The following NUBPL variants were observed in gnomAD, a reference collection of about 807,000 sequenced individuals.
The protein encoded by NUBPL is iron-sulfur cluster transfer protein NUBPL.
Under a neutral mutation model 45.7 loss-of-function variants are expected in NUBPL, and 31 were observed. The observed-to-expected ratio is 0.68, with a 90% CI of 0.51 to 0.92. NUBPL has a LOEUF of 0.92. Among genes scored for constraint, NUBPL ranks in the 40% least tolerant of loss-of-function variants. NUBPL has a pLI of 0.00. For synonymous variants in NUBPL, 144 were observed against 140.9 expected (o/e 1.02, Z -0.15); for missense variants, 401 against 398.7 (o/e 1.01, Z -0.05).
intron 6 of NUBPL, among the ~76,000 whole-genome samples, chr14:31,777,724 A>G (rs147880748): frequency 2.0e-5 from 3 of 152,342 alleles, no homozygotes; most frequent in East Asian, 1.9e-4. Flanking sequence ...GGCTAACATT[A>G]TAACCTCAGA....
chr14:31,643,192 G>C (rs761451511), intron 4 of NUBPL, among the ~76,000 whole-genome samples: 1 of 151,974 alleles, frequency 6.6e-6, no homozygotes, highest in Non-Finnish European at 1.5e-5. Context: ...CAGTATTATT[G>C]TTGAATACAA....
chr14:31,655,662 G>A (rs745541591), intron 4 of NUBPL, among the ~76,000 whole-genome samples: 3 of 152,172 alleles, frequency 2.0e-5, no homozygotes, highest in African/African-American at 4.8e-5. Flanking sequence ...GCAGTGAGCC[G>A]AGATGGTACC....
chr14:31,748,655 C>T lies in NUBPL; in HGVS notation c.514-39125C>T, dbSNP rs114156255. Among the ~76,000 whole-genome samples, 997 of 152,090 alleles carry T rather than the reference C, an allele frequency of 6.6e-3. 13 individuals carry two copies. The highest frequency in any genetic ancestry group is 0.023 in the African/African-American group (934 of 41,444). ...TGAGACAGAGTCTTTCTTTGTTGCC[C>T]AGGTTGGTATGCAGTGGAGCGATCT... On this transcript the variant is annotated intron_variant, in intron 6 of 10. Transcript: ENST00000281081.
intron 6 of NUBPL, among the ~76,000 whole-genome samples, chr14:31,724,509 G>A (rs1424603033): frequency 1.3e-5 from 2 of 152,170 alleles, no homozygotes; most frequent in African/African-American, 4.8e-5. Context: ...GCCCAGCATG[G>A]AGGTAGTATT....
At chr14:31,684,484 G>T (rs80324493) in intron 6 of NUBPL, among the ~76,000 whole-genome samples, 2 of 152,108 alleles carry the variant, frequency 1.3e-5, no homozygotes. Context: ...TTAATTATCC[G>T]TTAGAAGTTT....
At chr14:31,770,532 T>A (rs2038990584) in intron 6 of NUBPL, among the ~76,000 whole-genome samples, 1 of 152,218 alleles carries the variant, frequency 6.6e-6, no homozygotes, top group Admixed American at 6.5e-5. Flanking sequence ...CGATGTTATT[T>A]ACAGGAGTAA....
chr14:31,793,842 T>A lies in NUBPL; in HGVS notation c.607+5969T>A, dbSNP rs867620884. ...CCCTTATCTTTCTTTTTTTTTTTTA[T>A]TTTTTTTTTTATTTTTTCCCAATGC... On this transcript the variant is annotated intron_variant, in intron 7 of 10. Transcript: ENST00000281081. Among the ~76,000 whole-genome samples, 119 of 125,070 alleles carry A rather than the reference T, an allele frequency of 9.5e-4. 4 individuals are homozygous for A. Among genetic ancestry groups the A allele is most frequent in the African/African-American group, 4.9e-3 (112 of 22,698 alleles). 82.1% of individuals were successfully genotyped at this position (125,070 alleles called of 152,430 possible). A position where few individuals can be genotyped will look rare whatever the true frequency, so the allele number is the denominator to read the frequency against.
At chr14:31,767,227 G>A (rs2038930138) in intron 6 of NUBPL, among the ~76,000 whole-genome samples, 1 of 152,116 alleles carries the variant, frequency 6.6e-6, no homozygotes, top group Admixed American at 6.6e-5. Flanking sequence ...TTGAGACGGA[G>A]TTTCGCTCTT....
intron 4 of NUBPL, among the ~76,000 whole-genome samples, chr14:31,602,528 TA>T (rs1479197597): frequency 8.6e-5 from 13 of 152,046 alleles, no homozygotes; most frequent in African/African-American, 1.4e-4. Flanking sequence ...AGTATATATA[TA>T]AAAAGAAATC....
intron 6 of NUBPL, among the ~76,000 whole-genome samples, chr14:31,722,890 G>A (rs546957531): frequency 1.3e-5 from 2 of 152,150 alleles, no homozygotes; most frequent in African/African-American, 4.8e-5. Context: ...TAGGTTGACT[G>A]TTTACTCTGA....
intron 7 of NUBPL, among the ~76,000 whole-genome samples, chr14:31,798,303 G>GTT (rs71115031): frequency 0.077 from 8,217 of 107,166 alleles, 628 homozygotes; most frequent in Non-Finnish European, 0.098. Flanking sequence ...TTTATTTATG[G>GTT]TTTTTTTTTT....
chr14:31,602,653 A>T (rs893660764), intron 4 of NUBPL, among the ~76,000 whole-genome samples: 20 of 152,196 alleles, frequency 1.3e-4, no homozygotes, highest in Non-Finnish European at 2.2e-4. Flanking sequence ...TATGTAAAAT[A>T]GTTACAACTA....
chr14:31,744,617 C>CTTTTTTTTTTTTTTTTTTTTTTTTTTTT (rs34367142), intron 6 of NUBPL, among the ~76,000 whole-genome samples: 1 of 103,922 alleles, frequency 9.6e-6, no homozygotes, highest in Non-Finnish European at 1.8e-5. Context: ...TTTGTAGAAT[C>CTTTTTTTTTTTTTTTTTTTTTTTTTTTT]TTTTTTTTTT....
In NUBPL at chr14:31,645,783, C is replaced by T. The variant is rs539281647; in HGVS notation, c.383-27572C>T. On this transcript the variant is annotated intron_variant, in intron 4 of 10. Coordinates refer to ENST00000281081, the MANE Select transcript of NUBPL (RefSeq NM_025152.3). Reference sequence around the variant, plus strand: ...AACTTCTATACTTTACACCCCCCCCCCCACATTTTGACTTTTGTTGTGTCA... The same window carrying T: ...AACTTCTATACTTTACACCCCCCCCTCCACATTTTGACTTTTGTTGTGTCA... Among the ~76,000 whole-genome samples, 30 of 137,554 alleles carry T rather than the reference C, an allele frequency of 2.2e-4. 1 individual carries two copies. In the East Asian group the frequency reaches 6.7e-3, roughly 31 times the overall value. 90.2% of individuals were successfully genotyped at this position (137,554 alleles called of 152,430 possible).
In NUBPL at chr14:31,859,614, C is replaced by G. The variant is rs1258466031; in HGVS notation, c.*434C>G. ...CTGTCTTTGAATCCTGTCTTTGGTACTGTCTTGGACATGTTCTTAATATGA... is the reference window on the plus strand; with the variant it reads ...CTGTCTTTGAATCCTGTCTTTGGTAGTGTCTTGGACATGTTCTTAATATGA... On this transcript the variant is annotated 3_prime_UTR_variant, in exon 11 of 11. Coordinates refer to ENST00000281081, the MANE Select transcript of NUBPL (RefSeq NM_025152.3). 1 of 264,306 alleles carries G rather than the reference C, an allele frequency of 3.8e-6. No individual in the cohort carries two copies. The highest frequency in any genetic ancestry group is 2.2e-5 in the African/African-American group (1 of 45,070). The allele number at this position is 264,306 out of a possible 1,614,324, so 16.4% of individuals were successfully genotyped here. A position where few individuals can be genotyped will look rare whatever the true frequency, so the allele number is the denominator to read the frequency against.
chr14:31,564,589 A>G (rs2033386973), intron 2 of NUBPL, among the ~76,000 whole-genome samples: 1 of 151,858 alleles, frequency 6.6e-6, no homozygotes, highest in East Asian at 1.9e-4. Flanking sequence ...GACAGAGCAT[A>G]GTAATCATAA....
chr14:31,724,769 G>C (rs1166689007), intron 6 of NUBPL, among the ~76,000 whole-genome samples: 1 of 152,168 alleles, frequency 6.6e-6, no homozygotes, highest in Non-Finnish European at 1.5e-5. Context: ...TTTGGTGGTA[G>C]AGACAGAAAC....
chr14:31,669,730 C>T (rs1256972090), intron 4 of NUBPL, among the ~76,000 whole-genome samples: 1 of 148,808 alleles, frequency 6.7e-6, no homozygotes, highest in Non-Finnish European at 1.5e-5. Context: ...GTTTCTGTTC[C>T]TGCATTAGTT....
At chr14:31,596,344 G>T (rs2034282933) in intron 3 of NUBPL, among the ~76,000 whole-genome samples, 2 of 152,296 alleles carry the variant, frequency 1.3e-5, no homozygotes, top group South Asian at 4.1e-4. Context: ...TACTGAGATA[G>T]CTCCTCTGAC....
Sources: allele counts gnomAD v4.1 joint callset (sites outside exome capture counted in the v4.1 genomes callset), GRCh38; gene constraint gnomAD v4.1.1; transcripts MANE v1.5; gene names NCBI Gene and HGNC (gene_info 2026-07-23, HGNC 2026-07-21).